PTCH2: variants seen among roughly 807,000 people sequenced by gnomAD.
The protein encoded by PTCH2 is patched 2.
Under a neutral mutation model 117.9 loss-of-function variants are expected in PTCH2, and 96 were observed. The ratio of observed to expected loss-of-function variants is 0.81; its 90% confidence interval spans 0.69 to 0.96. The LOEUF is 0.96. Among genes scored for constraint, PTCH2 ranks in the 50% least tolerant of loss-of-function variants. PTCH2 has a pLI of 0.00. For synonymous variants in PTCH2, 615 were observed against 660.9 expected (o/e 0.93, Z 1.06); for missense variants, 1,379 against 1,562.5 (o/e 0.88, Z 1.98).
At chr1:44,842,772 G>T in intron 1 of PTCH2, 89 bp downstream of exon 1, 1 of 1,298,342 alleles carries the variant, frequency 7.7e-7, no homozygotes, top group Non-Finnish European at 1.1e-6. Flanking sequence ...AATGACACTC[G>T]GCACTTCAAG....
rs757205202 is a variant in PTCH2 at position 44,829,616 on chromosome 1, G to A, written c.1081C>T (p.Gln361Ter). 12 of 1,614,100 alleles carry A rather than the reference G, an allele frequency of 7.4e-6. No homozygotes were observed. The highest frequency in any genetic ancestry group is 5.0e-5 in the Admixed American group (3 of 60,012). Residue 361 changes from glutamine to a stop codon, truncating the protein, a stop_gained and splice_region_variant, in exon 8 of 22, where the codon CAG becomes TAG. Transcript: ENST00000372192. LOFTEE classifies it high-confidence loss of function. ...CCCTTGTCCTTGTCCATACCGACCT[G>A]CACAAAGCGCCGCTGCCAGGCTTGT... ...VLQAWQRRFV[Q>*]LAQEALPENA...
At position 44,827,974 on chromosome 1, in the gene PTCH2, G is replaced by A. The variant is rs760752601; in HGVS notation, c.1927C>T (p.Arg643Trp). Residue 643 changes from arginine (R) to tryptophan (W), a missense_variant, in exon 14 of 22, where the codon CGG (arginine) becomes TGG (tryptophan). Coordinates refer to ENST00000372192, the MANE Select transcript of PTCH2 (RefSeq NM_003738.5). ...TCCTCCTCCTGGCCTAGAAGGTCCCGTGTGGACCCTCCAGGGCTGAAGAGC... is the reference window on the plus strand; with the variant it reads ...TCCTCCTCCTGGCCTAGAAGGTCCCATGTGGACCCTCCAGGGCTGAAGAGC... ...SELFSPGGST[R>W]DLLGQEEETR... 17 of 1,614,080 alleles carry A rather than the reference G, an allele frequency of 1.1e-5. No individual in the cohort carries two copies. The highest frequency in any genetic ancestry group is 6.6e-5 in the South Asian group (6 of 91,092).
chr1:44,827,435 T>A lies in PTCH2; in HGVS notation c.2338A>T (p.Thr780Ser). ...LPPPATQAPRTWLHYYRNWLQ... is the reference protein window; with the variant it reads ...LPPPATQAPRSWLHYYRNWLQ... The stretch of plus-strand genomic sequence containing the variant: ...CAGTTGCGGTAATAGTGCAGCCAGG[T>A]GCGGGGTGCCTGGGTGGCCGGTGGG... The change falls in exon 15 of 22, where the codon ACC (threonine) becomes TCC (serine). Residue 780 changes from threonine to serine, a missense_variant. Transcript: ENST00000372192. 1.9e-6 allele frequency: 3 copies of A among 1,613,904 alleles called. No homozygotes were observed. Among genetic ancestry groups the A allele is most frequent in the Non-Finnish European group, 2.5e-6 (3 of 1,179,948 alleles).
chr1:44,834,285 A>G (rs2148881580), intron 2 of PTCH2, among the ~76,000 whole-genome samples: 1 of 152,122 alleles, frequency 6.6e-6, no homozygotes, highest in South Asian at 2.1e-4. Flanking sequence ...ACGCCTGGCT[A>G]ATTTTTATAT....
At chr1:44,833,740 G>C (rs148671797) in intron 2 of PTCH2, among the ~76,000 whole-genome samples, 52 of 152,130 alleles carry the variant, frequency 3.4e-4, no homozygotes, top group African/African-American at 1.3e-3. Flanking sequence ...GGGATTACAA[G>C]CACCTGCCAC....
Position 44,829,444 on chromosome 1 carries a change from A to C in PTCH2, c.1173T>G (p.Ser391=), listed in dbSNP as rs749017274. The part of the protein sequence containing the change: ...TTLDDILHAF[S]EVSAARVVGG... ...CCACCACACGGGCAGCACTGACTTC[A>C]GAGAACGCATGCAGGATGTCATCCA... is the stretch of plus-strand genomic sequence containing the variant. Residue 391 remains serine (S), a synonymous_variant, in exon 9 of 22, where the codon TCT becomes TCG. Coordinates refer to ENST00000372192, the MANE Select transcript of PTCH2 (RefSeq NM_003738.5). 6.2e-7 allele frequency: 1 copy of C among 1,613,962 alleles called. No homozygotes were observed. Among genetic ancestry groups the C allele is most frequent in the Non-Finnish European group, 8.5e-7 (1 of 1,180,032 alleles).
chr1:44,839,361 CA>C (rs57053705), intron 2 of PTCH2, among the ~76,000 whole-genome samples: 108 of 75,634 alleles, frequency 1.4e-3, no homozygotes, highest in South Asian at 9.9e-3. Flanking sequence ...GACTTACTCT[CA>C]AAAAAAAAAA....
In PTCH2 at chr1:44,826,653, G is replaced by A. The variant is rs375965470; in HGVS notation, c.2811C>T (p.Ala937=). The change falls in exon 18 of 22, where the codon GCC becomes GCT. Residue 937 remains alanine, a synonymous_variant. Transcript: ENST00000372192. This position sits in a 1 kb window ranked among gnomAD's most constrained non-coding sequence, Gnocchi z 5.1. ...GGTAGGCGTGCACCCCAGCCTGGCC[G>A]GCCTCTGCGCATGCTGCCCGGGCCC... The part of the protein sequence containing the change: ...IEGARAACAE[A]GQAGVHAYPS... 40 of 1,611,918 alleles carry A rather than the reference G, an allele frequency of 2.5e-5. No homozygotes were observed. The highest frequency in any genetic ancestry group is 5.5e-5 in the South Asian group (5 of 90,970).
intron 2 of PTCH2, among the ~76,000 whole-genome samples, chr1:44,840,101 AT>A (rs1161806201): frequency 0.031 from 4,166 of 132,284 alleles, 71 homozygotes; most frequent in East Asian, 0.1. Flanking sequence ...TCATGCTGAA[AT>A]TTTTTTTTTT....
In PTCH2 at chr1:44,826,400, G is replaced by A. The variant is rs781640967; in HGVS notation, c.2977-13C>T. The A allele has an allele frequency of 6.2e-7, 1 of 1,614,122 alleles. No individual in the cohort carries two copies. The stretch of plus-strand genomic sequence containing the variant: ...CCAGGACCAGCACCTGAGGGAGACA[G>A]GGCTCACAGAGGGCTCCTGGCAGGA... On this transcript the variant is annotated splice_polypyrimidine_tract_variant and intron_variant, in intron 18 of 21. Transcript: ENST00000372192. This position sits in a 1 kb window ranked among gnomAD's most constrained non-coding sequence, Gnocchi z 5.1.
At chr1:44,832,080 A>AG (rs2148880113) in intron 3 of PTCH2, 36 bp from the exon 4 acceptor site, 1 of 1,611,976 alleles carries the variant, frequency 6.2e-7, no homozygotes, top group East Asian at 2.2e-5. Flanking sequence ...TCAGCAGAAG[A>AG]AGGGGATTCC....
At position 44,828,542 on chromosome 1, in the gene PTCH2, G is replaced by A. The variant is rs775872062; in HGVS notation, c.1554C>T (p.Leu518=). Residue 518 remains leucine (L), a synonymous_variant, in exon 12 of 22, where the codon CTC becomes CTT. Transcript: ENST00000372192. ...NNMAAFLMAA[L]VPIPALRAFS... ...AGGCTCGCAGCGCAGGGATGGGAAC[G>A]AGGGCAGCCATGAGGAAGGCGGCCA... The A allele has an allele frequency of 9.9e-6, 16 of 1,613,976 alleles. No individual in the cohort carries two copies. Among genetic ancestry groups the A allele is most frequent in the East Asian group, 8.9e-5 (4 of 44,890 alleles).
rs765293448 is a variant in PTCH2, at chr1:44,828,569, G to A, written c.1527C>T (p.Asn509=). 5.0e-6 allele frequency: 8 copies of A among 1,613,916 alleles called. No individual in the cohort carries two copies. Among genetic ancestry groups the A allele is most frequent in the Non-Finnish European group, 6.8e-6 (8 of 1,179,952 alleles). Residue 509 remains asparagine (N), a synonymous_variant, in exon 12 of 22, where the codon AAC becomes AAT. Coordinates refer to ENST00000372192, the MANE Select transcript of PTCH2 (RefSeq NM_003738.5). ...GGGCAGCCATGAGGAAGGCGGCCATGTTGTTGATGGATGTGAGTACGACAC... is the reference window on the plus strand; with the variant it reads ...GGGCAGCCATGAGGAAGGCGGCCATATTGTTGATGGATGTGAGTACGACAC... ...GTSVVLTSIN[N]MAAFLMAALV...
chr1:44,837,860 C>G (rs899161830), intron 2 of PTCH2, among the ~76,000 whole-genome samples: 1 of 151,306 alleles, frequency 6.6e-6, no homozygotes, highest in Non-Finnish European at 1.5e-5. Context: ...GGGCGGATCA[C>G]GAGGTCAGGA....
chr1:44,829,518 G>A lies in PTCH2; in HGVS notation c.1099C>T (p.Leu367=), dbSNP rs1653330856. ...ATCTGCTGGGAAGCGTTCTCAGGCA[G>A]GGCCTCCTGGGCCAGCTGGAGAAAC... ...RRFVQLAQEA[L]PENASQQIHA... Residue 367 remains leucine, a synonymous_variant, in exon 9 of 22, where the codon CTG becomes TTG. Transcript: ENST00000372192. 1 of 1,614,208 alleles carries A rather than the reference G, an allele frequency of 6.2e-7. No homozygotes were observed. Among genetic ancestry groups the A allele is most frequent in the African/African-American group, 1.3e-5 (1 of 75,070 alleles).
At chr1:44,821,797 C>A, downstream of PTCH2, 1 of 1,343,258 alleles carries the variant, frequency 7.4e-7, no homozygotes. Context: ...TGACAAAAAT[C>A]CAGAATCTGG....
intron 7 of PTCH2, 27 bp downstream of exon 7, chr1:44,829,882 C>T: frequency 3.1e-6 from 5 of 1,614,024 alleles, no homozygotes; most frequent in Non-Finnish European, 3.4e-6. Flanking sequence ...ACAGAGTCCC[C>T]TCACCAACTC....
At chr1:44,839,234 G>C (rs1653824952) in intron 2 of PTCH2, among the ~76,000 whole-genome samples, 1 of 151,796 alleles carries the variant, frequency 6.6e-6, no homozygotes. Context: ...AATTAGCCGG[G>C]CATGGTGGCG....
In PTCH2 at chr1:44,829,521, C is replaced by T. The variant is rs1388913752; in HGVS notation, c.1096G>A (p.Ala366Thr). The change falls in exon 9 of 22, where the codon GCC becomes ACC. Residue 366 changes from alanine (A) to threonine (T), a missense_variant. Transcript: ENST00000372192. ...QRRFVQLAQE[A>T]LPENASQQIH... ...TGCTGGGAAGCGTTCTCAGGCAGGGCCTCCTGGGCCAGCTGGAGAAACAGG... is the reference window on the plus strand; with the variant it reads ...TGCTGGGAAGCGTTCTCAGGCAGGGTCTCCTGGGCCAGCTGGAGAAACAGG... The T allele has an allele frequency of 6.2e-7, 1 of 1,614,194 alleles. No homozygotes were observed. The highest frequency in any genetic ancestry group is 2.2e-5 in the East Asian group (1 of 44,876).
Sources: allele counts gnomAD v4.1 joint callset (sites outside exome capture counted in the v4.1 genomes callset), GRCh38; gene constraint gnomAD v4.1.1; non-coding constraint Gnocchi (gnomAD v3.1); transcripts MANE v1.5; gene names NCBI Gene and HGNC (gene_info 2026-07-23, HGNC 2026-07-21).